Variants in ZNF117 observed in about 807,000 individuals in gnomAD.
ZNF117 encodes zinc finger protein 117, also known as Krueppel-related zinc finger protein.
Under a neutral mutation model 41.2 loss-of-function variants are expected in ZNF117, and 37 were observed. The observed-to-expected ratio is 0.90, with a 90% CI of 0.69 to 1.18. The LOEUF (loss-of-function observed/expected upper bound fraction) is 1.18. ZNF117 is among the 50% of genes most tolerant of loss of function. The pLI, the probability that ZNF117 is intolerant of heterozygous loss-of-function variation, is 0.00. For synonymous variants in ZNF117, 186 were observed against 186.6 expected, an observed-to-expected ratio of 1.00 and a Z score of 0.02; for missense variants, 546 against 557.5, an observed-to-expected ratio of 0.98 and a Z score of 0.21.
At chr7:64,984,526 C>T (rs767944559), upstream of ZNF117, among the ~76,000 whole-genome samples, 200 of 152,200 alleles carry the variant, frequency 1.3e-3, 1 homozygote, top group African/African-American at 1.9e-3. Flanking sequence ...TTACTTTTCC[C>T]GTAATAGCAC....
chr7:64,983,268 T>A (rs1335581124), upstream of ZNF117, among the ~76,000 whole-genome samples: 1 of 152,178 alleles, frequency 6.6e-6, no homozygotes, highest in Non-Finnish European at 1.5e-5. Flanking sequence ...AATAGGAATC[T>A]TGAGTAGTCA....
exon 3 of ZNF117, chr7:64,974,704 T>G (rs1044335976): frequency 1.3e-5 from 2 of 151,942 alleles, no homozygotes; most frequent in Non-Finnish European, 3.0e-5. Flanking sequence ...TTTTAAAATG[T>G]TTAAGCAGGA....
At chr7:64,976,710 T>C (rs1249319206) in exon 3 of ZNF117, 1 of 347,872 alleles carries the variant, frequency 2.9e-6, no homozygotes, top group Admixed American at 4.0e-5. Context: ...TTTAAAGGCT[T>C]TGTACCATTC....
At chr7:64,989,280 CA>C in intron 1 of ZNF117, among the ~76,000 whole-genome samples, 1 of 150,794 alleles carries the variant, frequency 6.6e-6, no homozygotes, top group East Asian at 2.0e-4. Flanking sequence ...ATCTGATCTT[CA>C]ACAAAGCTTA....
At chr7:64,982,814 G>A (rs1786059498), upstream of ZNF117, among the ~76,000 whole-genome samples, 1 of 152,134 alleles carries the variant, frequency 6.6e-6, no homozygotes, top group Admixed American at 6.6e-5. Context: ...ACTTAATAAT[G>A]AAGAGAAAAA....
chr7:64,986,156 TAA>T (rs71061344), upstream of ZNF117, among the ~76,000 whole-genome samples: 13 of 151,562 alleles, frequency 8.6e-5, no homozygotes, highest in South Asian at 1.5e-3. Context: ...AAAGGTGTTA[TAA>T]AAAAAAAATC....
chr7:64,988,781 G>C (rs1020488782), intron 1 of ZNF117, among the ~76,000 whole-genome samples: 4 of 152,028 alleles, frequency 2.6e-5, no homozygotes, highest in Non-Finnish European at 5.9e-5. Context: ...AAAATTAGTA[G>C]CATCCCTGTA....
downstream of ZNF117, chr7:64,972,651 G>A (rs1584042019): frequency 6.6e-6 from 1 of 152,002 alleles, no homozygotes; most frequent in South Asian, 2.1e-4. Context: ...AGAAAAAAGG[G>A]GGGTTTTGGA....
exon 3 of ZNF117, chr7:64,976,620 A>C (rs1785893756): frequency 3.9e-6 from 1 of 258,920 alleles, no homozygotes; most frequent in African/African-American, 2.5e-5. Flanking sequence ...TGAAAAATTA[A>C]AAGTTTTGCC....
At chr7:64,982,393 G>A (rs1053266318), upstream of ZNF117, among the ~76,000 whole-genome samples, 5 of 152,098 alleles carry the variant, frequency 3.3e-5, no homozygotes, top group East Asian at 3.8e-4. Flanking sequence ...GGGCATAAAC[G>A]CCAACATGTC....
At chr7:64,978,687 T>C (rs765937108) in exon 3 of ZNF117, 1 of 1,613,030 alleles carries the variant, frequency 6.2e-7, no homozygotes, top group South Asian at 1.1e-5. Flanking sequence ...AATTCTCTTA[T>C]GTGTAGTAAG....
chr7:64,981,344 T>C, intron 2 of ZNF117, 43 bp downstream of exon 3: 2 of 1,610,282 alleles, frequency 1.2e-6, no homozygotes, highest in Non-Finnish European at 1.7e-6. Flanking sequence ...TCCTTGGCCT[T>C]TGACCTCTTC....
exon 3 of ZNF117, chr7:64,978,755 A>G (rs762668708): frequency 7.4e-6 from 12 of 1,613,288 alleles, no homozygotes; most frequent in South Asian, 1.1e-5. Context: ...GCTTCTCTCC[A>G]GTATGAATGT....
chr7:64,983,519 T>C (rs1166284828), upstream of ZNF117, among the ~76,000 whole-genome samples: 1 of 152,174 alleles, frequency 6.6e-6, no homozygotes, highest in African/African-American at 2.4e-5. Context: ...TTGCAAGAAC[T>C]AAATGCATGG....
Position 64,990,587 on chromosome 7 carries a change from CCTTA to C in ZNF117, c.-840_-837del, listed in dbSNP as rs1170232947. On this transcript the variant is annotated 5_prime_UTR_variant, in exon 1 of 4. The change abolishes the stop of an existing upstream ORF in the 5' untranslated region. Transcript: ENST00000282869. Reference sequence around the variant, plus strand: ...CAACAGGATTTGCAACATGAGCCTACCTTACTTAAACATGTCTTGTGACCTTGCC... The same window carrying C: ...CAACAGGATTTGCAACATGAGCCTACCTTAAACATGTCTTGTGACCTTGCC... 1 of 152,270 alleles carries C rather than the reference CCTTA, an allele frequency of 6.6e-6. No individual in the cohort carries two copies. The highest frequency in any genetic ancestry group is 1.5e-5 in the Non-Finnish European group (1 of 68,080). The allele number at this position is 152,270 out of a possible 1,614,324, so 9.4% of individuals were successfully genotyped here.
chr7:64,982,074 C>G (rs1481852531), exon 1 of ZNF117: 3 of 962,484 alleles, frequency 3.1e-6, no homozygotes, highest in Non-Finnish European at 3.3e-6. Context: ...TGCCACTCCT[C>G]CAAAGAGAAT....
chr7:64,988,810 C>T (rs891491336), intron 1 of ZNF117, among the ~76,000 whole-genome samples: 24 of 151,894 alleles, frequency 1.6e-4, no homozygotes, highest in African/African-American at 5.1e-4. Context: ...ACATCCAAGC[C>T]GAAAGCCAAA....
At chr7:64,985,867 A>G (rs9691471), upstream of ZNF117, among the ~76,000 whole-genome samples, 134,166 of 149,132 alleles carry the variant, frequency 0.9, 60,777 homozygotes, top group South Asian at 0.97. Flanking sequence ...GGCTGAGTAC[A>G]CTTGAACCCA....
chr7:64,987,711 G>A (rs552122811), intron 1 of ZNF117, among the ~76,000 whole-genome samples: 8 of 151,910 alleles, frequency 5.3e-5, no homozygotes, highest in Middle Eastern at 6.8e-3. Flanking sequence ...AGCTGGGTGC[G>A]GTGGCTCACA....
Sources: gnomAD v4.1 joint callset for allele counts (sites outside exome capture counted in the v4.1 genomes callset) on GRCh38, gnomAD v4.1.1 for gene constraint, MANE v1.5 for transcripts, NCBI Gene and HGNC (gene_info 2026-07-23, HGNC 2026-07-21) for gene names.